HNRNPH1: variants seen among roughly 807,000 people sequenced by gnomAD.
The protein encoded by HNRNPH1 is heterogeneous nuclear ribonucleoprotein H.
Under a neutral mutation model 58.6 loss-of-function variants are expected in HNRNPH1, and 4 were observed. That is an observed-to-expected ratio of 0.07 (90% CI 0.03 to 0.16). The LOEUF is 0.16. Ranked by LOEUF, HNRNPH1 falls within the 10% of genes least tolerant of loss-of-function variation. The pLI, the probability that HNRNPH1 is intolerant of heterozygous loss-of-function variation, is 1.00. For synonymous variants in HNRNPH1, 192 were observed against 189.2 expected (o/e 1.01, Z -0.12); for missense variants, 271 against 564.2 (o/e 0.48, Z 5.26).
chr5:179,616,153 C>T (rs773569702), exon 11 of HNRNPH1: 36 of 1,613,896 alleles, frequency 2.2e-5, no homozygotes, highest in Admixed American at 1.3e-4. Context: ...CTCTGGCCAC[C>T]GTAGCCGCCT....
intron 10 of HNRNPH1, 91 bp from the exon 12 acceptor site, chr5:179,616,309 C>T: frequency 9.8e-7 from 1 of 1,019,154 alleles, no homozygotes; most frequent in Non-Finnish European, 1.6e-6. Context: ...TATCATTTTC[C>T]AGTCTTGATC....
Position 179,617,931 on chromosome 5 carries a change from G to A in HNRNPH1, c.789C>T (p.Asp263=), listed in dbSNP as rs767529419. The A allele has an allele frequency of 3.4e-5, 55 of 1,613,982 alleles. No homozygotes were observed. The Admixed American group carries it at 8.7e-4, about 25-fold the overall frequency. ...ACATTCCTGAAAAACAGTAATTGAG[G>A]TCTAGATGGACAAGAGTGTAAGCAT... is the stretch of plus-strand genomic sequence containing the variant. Residue 263 remains aspartate (D), a splice_region_variant and synonymous_variant, in exon 7 of 13, where the codon GAC becomes GAT. Coordinates refer to ENST00000356731, the Ensembl canonical transcript of HNRNPH1.
upstream of HNRNPH1, among the ~76,000 whole-genome samples, chr5:179,629,619 G>A (rs75927743): frequency 7.3e-3 from 1,118 of 152,154 alleles, 12 homozygotes; most frequent in African/African-American, 0.023. Context: ...AAATAATGGT[G>A]GGACTTAAAA....
chr5:179,625,821 T>C (rs1022730746), upstream of HNRNPH1, among the ~76,000 whole-genome samples: 16 of 152,284 alleles, frequency 1.1e-4, 1 homozygote, highest in South Asian at 1.5e-3. Flanking sequence ...CAGGCTGGAG[T>C]GCAGTGGTGC....
At chr5:179,615,666 TAAATA>T in intron 11 of HNRNPH1, 71 bp from the exon 13 acceptor site, 1 of 780,674 alleles carries the variant, frequency 1.3e-6, no homozygotes, top group Non-Finnish European at 2.2e-6. Context: ...TGAAAAAAAA[TAAATA>T]AAACCAATCC....
At chr5:179,621,480 C>G in intron 1 of HNRNPH1, 83 bp from the exon 3 acceptor site, 1 of 1,162,300 alleles carries the variant, frequency 8.6e-7, no homozygotes, top group Admixed American at 2.1e-5. Flanking sequence ...TATTCCATGT[C>G]CCCACTACAA....
chr5:179,619,091 T>G lies in HNRNPH1; in HGVS notation c.536+178A>C, dbSNP rs1278454360. On this transcript the variant is annotated intron_variant, in intron 4 of 12. Transcript: ENST00000356731. ...GCAGACCAATTAACTAGGGACAAAT[T>G]TCAAACCTAAAATTTAGTTTGCGTG... The G allele has an allele frequency of 7.3e-6, 4 of 547,070 alleles. 1 individual carries two copies. Among genetic ancestry groups the G allele is most frequent in the Non-Finnish European group, 1.3e-5 (4 of 314,250 alleles). 33.9% of individuals were successfully genotyped at this position (547,070 alleles called of 1,614,324 possible).
At chr5:179,621,990 G>A (rs776850090) in intron 1 of HNRNPH1, 3 of 456,284 alleles carry the variant, frequency 6.6e-6, no homozygotes, top group South Asian at 4.6e-5. Flanking sequence ...AATTCAGATA[G>A]TAAGTCAATA....
intron 11 of HNRNPH1, 127 bp from the exon 13 acceptor site, chr5:179,615,722 C>T (rs1001569695): frequency 3.6e-6 from 2 of 553,364 alleles, no homozygotes; most frequent in African/African-American, 3.9e-5. Flanking sequence ...AACCCAACCA[C>T]CATTCTACTA....
At chr5:179,621,360 G>A in exon 2 of HNRNPH1, 5 of 1,613,574 alleles carry the variant, frequency 3.1e-6, no homozygotes, top group Non-Finnish European at 4.2e-6. Flanking sequence ...TGGTGTAGAT[G>A]AAACGAATAC....
chr5:179,619,071 C>T (rs535008715), intron 4 of HNRNPH1, 198 bp downstream of exon 5: 10 of 459,326 alleles, frequency 2.2e-5, no homozygotes, highest in Non-Finnish European at 3.9e-5. Context: ...GTCAAGCAGA[C>T]CAATTAACTA....
Position 179,623,674 on chromosome 5 carries a change from C to T in HNRNPH1, c.-541G>A, listed in dbSNP as rs529548541. On this transcript the variant is annotated 5_prime_UTR_variant, in exon 1 of 13. Transcript: ENST00000356731. ...TTCTGCGTGGCTAAGACGAAATGGC[C>T]AGCGGGCGCCTGCGCAACCTAAATA... 3.9e-5 allele frequency: 6 copies of T among 152,920 alleles called. No homozygotes were observed. In the South Asian group the frequency reaches 9.5e-4, roughly 24 times the overall value. The allele number at this position is 152,920 out of a possible 1,614,324, so 9.5% of individuals were successfully genotyped here. A position where few individuals can be genotyped will look rare whatever the true frequency, so the allele number is the denominator to read the frequency against.
At position 179,618,204 on chromosome 5, in the gene HNRNPH1, T is replaced by TAC; in HGVS notation, c.654_655dup (p.Tyr219CysfsTer14). 6.2e-7 allele frequency: 1 copy of TAC among 1,614,206 alleles called. No homozygotes were observed. The highest frequency in any genetic ancestry group is 8.5e-7 in the Non-Finnish European group (1 of 1,180,018). On this transcript the variant is annotated frameshift_variant, in exon 5 of 13. Coordinates refer to ENST00000356731, the Ensembl canonical transcript of HNRNPH1. LOFTEE classifies it high-confidence loss of function. ...GCCAGCTCCTCTGCCAATGCTGTTATACCCTCTACCAGCCCCAGGTCTGTC... is the reference window on the plus strand; with the variant it reads ...GCCAGCTCCTCTGCCAATGCTGTTATACACCCTCTACCAGCCCCAGGTCTGTC...
At chr5:179,623,111 C>G (rs1773505417) in exon 1 of HNRNPH1, 1 of 1,608,154 alleles carries the variant, frequency 6.2e-7, no homozygotes. Context: ...GAATCCCTCT[C>G]CACCTTCCGT....
intron 4 of HNRNPH1, chr5:179,618,568 G>A: frequency 2.7e-6 from 1 of 371,272 alleles, no homozygotes; most frequent in Non-Finnish European, 4.8e-6. Context: ...CCAACCTTAG[G>A]GGTAGAGAGG....
chr5:179,631,968 C>A (rs1446396426), intron 2 of HNRNPH1, among the ~76,000 whole-genome samples: 1 of 152,076 alleles, frequency 6.6e-6, no homozygotes, highest in Non-Finnish European at 1.5e-5. Flanking sequence ...CGGCCGCCTC[C>A]GGGACCTGCT....
At chr5:179,633,923 T>TAAATAAAATTA (rs1554137358) in intron 2 of HNRNPH1, 1 of 147,540 alleles carries the variant, frequency 6.8e-6, no homozygotes, top group Non-Finnish European at 1.5e-5. Context: ...GTCTCTAAAA[T>TAAATAAAATTA]AAATAAAATA....
chr5:179,621,230 T>C lies in HNRNPH1; in HGVS notation c.253+12A>G, dbSNP rs765420137. On this transcript the variant is annotated intron_variant, in intron 2 of 12. Transcript: ENST00000356731. ...GCTTTATTTACTGTAACTAGGGCAA[T>C]GTAAATCAAACCTTCAACATATCTG... The C allele has an allele frequency of 3.1e-6, 5 of 1,609,644 alleles. No homozygotes were observed. Among genetic ancestry groups the C allele is most frequent in the African/African-American group, 2.7e-5 (2 of 74,842 alleles).
chr5:179,622,991 C>G, intron 1 of HNRNPH1, 46 bp downstream of exon 2: 3 of 770,750 alleles, frequency 3.9e-6, no homozygotes, highest in Non-Finnish European at 5.4e-6. Flanking sequence ...CCAGCCCGCC[C>G]GCCCCGGCCT....
Sources: allele counts gnomAD v4.1 joint callset (sites outside exome capture counted in the v4.1 genomes callset), GRCh38; gene constraint gnomAD v4.1.1; transcripts MANE v1.5; gene names NCBI Gene and HGNC (gene_info 2026-07-23, HGNC 2026-07-21).